RBPJ: variants seen among roughly 807,000 people sequenced by gnomAD.
RBPJ encodes recombination signal binding protein for immunoglobulin kappa J region.
A neutral mutation model predicts 67.8 loss-of-function variants in RBPJ; 9 were observed. The observed-to-expected ratio is 0.13, with a 90% CI of 0.08 to 0.23. RBPJ has a LOEUF of 0.23. Ranked by LOEUF, RBPJ falls within the 10% of genes least tolerant of loss-of-function variation. RBPJ has a pLI of 1.00. For synonymous variants in RBPJ, 198 were observed against 203.3 expected, an observed-to-expected ratio of 0.97 and a Z score of 0.22; for missense variants, 305 against 595.6, an observed-to-expected ratio of 0.51 and a Z score of 5.08.
At chr4:26,318,963 C>T (rs1481193793), upstream of RBPJ, among the ~76,000 whole-genome samples, 1 of 131,356 alleles carries the variant, frequency 7.6e-6, no homozygotes, top group Non-Finnish European at 1.6e-5. Context: ...CGCCACTGCA[C>T]TCTAGCCTAG....
chr4:26,336,671 A>AT (rs397992674), intron 1 of RBPJ, among the ~76,000 whole-genome samples: 6 of 151,176 alleles, frequency 4.0e-5, no homozygotes, highest in African/African-American at 1.5e-4. Context: ...AAAAAAAAAA[A>AT]TTTCTTTAGA....
intron 2 of RBPJ, among the ~76,000 whole-genome samples, chr4:26,402,371 G>A (rs966666551): frequency 6.6e-6 from 1 of 152,142 alleles, no homozygotes; most frequent in African/African-American, 2.4e-5. Context: ...TCCAACATTA[G>A]CTGGTCCTTT....
chr4:26,117,228 C>T, the RBPJ span, among the ~76,000 whole-genome samples: 13 of 152,202 alleles, frequency 8.5e-5, no homozygotes, highest in Middle Eastern at 3.4e-3. Flanking sequence ...CTGCCCCATG[C>T]GGCTACCCCC....
At chr4:26,214,807 AAGAG>A (rs142705291) in intron 1 of RBPJ, among the ~76,000 whole-genome samples, 70,635 of 107,330 alleles carry the variant, frequency 0.66, 23,929 homozygotes, top group East Asian at 0.93. Context: ...AGGAAGGGAA[AAGAG>A]AGAGAGAGAA....
At chr4:26,386,573 C>G (rs994223613) in intron 2 of RBPJ, among the ~76,000 whole-genome samples, 182 bp downstream of exon 2, 14 of 152,018 alleles carry the variant, frequency 9.2e-5, no homozygotes, top group African/African-American at 2.4e-4. Context: ...AAAACAGGAA[C>G]AAAAGGATAT....
At chr4:26,164,220 G>C (rs561114688) in intron 1 of RBPJ, among the ~76,000 whole-genome samples, 17 of 152,300 alleles carry the variant, frequency 1.1e-4, no homozygotes, top group African/African-American at 3.6e-4. Context: ...TTGTAATTTA[G>C]CTGAAAGACA....
chr4:26,139,468 G>A, the RBPJ span, among the ~76,000 whole-genome samples: 6 of 152,188 alleles, frequency 3.9e-5, no homozygotes, highest in East Asian at 3.9e-4. Flanking sequence ...AGTGGCATGC[G>A]GGCTCCCAGC....
At chr4:26,313,943 C>T (rs1475159282) in intron 1 of RBPJ, among the ~76,000 whole-genome samples, 1 of 152,106 alleles carries the variant, frequency 6.6e-6, no homozygotes, top group Non-Finnish European at 1.5e-5. Flanking sequence ...TCTTTTCCCT[C>T]CTTTCTATGT....
At position 26,404,306 on chromosome 4, in the gene RBPJ, C is replaced by T. The variant is rs77586248; in HGVS notation, c.60-1869C>T. ...ACCTTTATCAGATGCACAGTTTGCA[C>T]GTATTTCCTCCCATTCTGTAGGTTG... is the stretch of plus-strand genomic sequence containing the variant. On this transcript the variant is annotated intron_variant, in intron 2 of 10. Coordinates refer to ENST00000355476, the MANE Select transcript of RBPJ (RefSeq NM_015874.6). Among the ~76,000 whole-genome samples the T allele has an allele frequency of 4.2e-3, 632 of 152,124 alleles. 5 individuals carry two copies. The highest frequency in any genetic ancestry group is 0.015 in the African/African-American group (604 of 41,514).
At chr4:26,198,913 C>G (rs1717881032) in intron 1 of RBPJ, among the ~76,000 whole-genome samples, 1 of 152,160 alleles carries the variant, frequency 6.6e-6, no homozygotes, top group Non-Finnish European at 1.5e-5. Context: ...TGTTATTGCT[C>G]TAAAATATAC....
Position 26,415,592 on chromosome 4 carries a change from G to A in RBPJ, c.273G>A (p.Gly91=), listed in dbSNP as rs779784975. 4 of 1,611,662 alleles carry A rather than the reference G, an allele frequency of 2.5e-6. No homozygotes were observed. The African/African-American group carries it at 4.0e-5, about 16-fold the overall frequency. The change falls in exon 4 of 11, where the codon GGG becomes GGA. Residue 91 remains glycine, a synonymous_variant. Transcript: ENST00000355476. The stretch of plus-strand genomic sequence containing the variant: ...AGTCTCAACCGTGTGCATTTATTGG[G>A]ATAGGAAATAGTGACCAAGAAATGC... The part of the protein sequence containing the change: ...EQESQPCAFI[G]IGNSDQEMQQ...
chr4:26,272,786 T>C, intron 1 of RBPJ: 1 of 437,580 alleles, frequency 2.3e-6, no homozygotes, highest in Non-Finnish European at 4.6e-6. Flanking sequence ...AGGAAGGGGG[T>C]GATGGGATGG....
At chr4:26,286,788 CTTT>C (rs755346375) in intron 1 of RBPJ, among the ~76,000 whole-genome samples, 13 of 134,904 alleles carry the variant, frequency 9.6e-5, no homozygotes, top group East Asian at 2.1e-4. Flanking sequence ...AGTAAAACCT[CTTT>C]TTTTTTTTTT....
chr4:26,152,037 T>C, the RBPJ span, among the ~76,000 whole-genome samples: 67 of 152,330 alleles, frequency 4.4e-4, no homozygotes, highest in African/African-American at 1.5e-3. Context: ...GTTGACAGTA[T>C]AATAAGATTC....
chr4:26,337,713 G>A (rs1725015286), intron 1 of RBPJ, among the ~76,000 whole-genome samples: 1 of 139,420 alleles, frequency 7.2e-6, no homozygotes, highest in Admixed American at 7.5e-5. Flanking sequence ...GAAGGACAGG[G>A]TCTCACTCTG....
At chr4:26,382,821 G>A (rs1226031744) in intron 1 of RBPJ, among the ~76,000 whole-genome samples, 2 of 152,188 alleles carry the variant, frequency 1.3e-5, no homozygotes, top group African/African-American at 2.4e-5. Flanking sequence ...GATTACAGGC[G>A]TGAGCTCTTG....
intron 1 of RBPJ, among the ~76,000 whole-genome samples, chr4:26,277,231 C>T (rs890771584): frequency 2.7e-5 from 4 of 147,662 alleles, no homozygotes; most frequent in African/African-American, 1.1e-4. Flanking sequence ...GTGATCACAC[C>T]ACTGCATTTC....
chr4:26,144,853 T>G, the RBPJ span, among the ~76,000 whole-genome samples: 1 of 152,158 alleles, frequency 6.6e-6, no homozygotes, highest in Non-Finnish European at 1.5e-5. Context: ...GATTCCAGTC[T>G]CCCTTCCCTC....
intron 1 of RBPJ, among the ~76,000 whole-genome samples, chr4:26,290,658 G>A (rs1397891283): frequency 6.6e-6 from 1 of 150,956 alleles, no homozygotes; most frequent in Admixed American, 6.6e-5. Flanking sequence ...CAGCTGTCCA[G>A]TTCTGCCATA....
Sources: gnomAD v4.1 joint callset for allele counts (sites outside exome capture counted in the v4.1 genomes callset) on GRCh38, gnomAD v4.1.1 for gene constraint, MANE v1.5 for transcripts, NCBI Gene and HGNC (gene_info 2026-07-23, HGNC 2026-07-21) for gene names.